Variants in TSPAN15 observed in about 807,000 individuals in gnomAD.
TSPAN15 encodes the protein tetraspanin 15.
A neutral mutation model predicts 34.5 loss-of-function variants in TSPAN15; 20 were observed. That is an observed-to-expected ratio of 0.58 (90% CI 0.41 to 0.84). TSPAN15 has a LOEUF of 0.84. Among genes scored for constraint, TSPAN15 ranks in the 40% least tolerant of loss-of-function variants. The pLI, the probability that TSPAN15 is intolerant of heterozygous loss-of-function variation, is 0.00. For missense variants in TSPAN15, 313 were observed against 386.1 expected, an observed-to-expected ratio of 0.81 and a Z score of 1.59; for synonymous variants, 155 against 153.9, an observed-to-expected ratio of 1.01 and a Z score of -0.05.
At chr10:69,549,267 A>G in the TSPAN15 span, among the ~76,000 whole-genome samples, 10 of 152,224 alleles carry the variant, frequency 6.6e-5, no homozygotes, top group African/African-American at 2.4e-4. Context: ...CTGTTATCAT[A>G]CATGTTGCCC....
At chr10:69,546,033 T>C in the TSPAN15 span, among the ~76,000 whole-genome samples, 2 of 152,114 alleles carry the variant, frequency 1.3e-5, no homozygotes, top group African/African-American at 2.4e-5. Context: ...TCCCAGCTAG[T>C]GGGTGGCCGA....
intron 4 of TSPAN15, among the ~76,000 whole-genome samples, chr10:69,497,064 A>G (rs1006300680): frequency 5.3e-5 from 8 of 152,168 alleles, no homozygotes; most frequent in Admixed American, 4.6e-4. Context: ...CTTTACAGAC[A>G]ACCATCTGAG....
In TSPAN15 at chr10:69,507,249, G is replaced by C; in HGVS notation, c.*271G>C. On this transcript the variant is annotated 3_prime_UTR_variant, in exon 8 of 8. Transcript: ENST00000373290. Reference sequence around the variant, plus strand: ...AAGGCCCTCCTTTCTCCAGGCCTGGGCTACGGGGGAGGGAGAGCCTGAGGC... The same window carrying C: ...AAGGCCCTCCTTTCTCCAGGCCTGGCCTACGGGGGAGGGAGAGCCTGAGGC... The C allele has an allele frequency of 7.3e-7, 1 of 1,373,448 alleles. No homozygotes were observed. Among genetic ancestry groups the C allele is most frequent in the Non-Finnish European group, 9.4e-7 (1 of 1,065,442 alleles). The allele number at this position is 1,373,448 out of a possible 1,614,324, so 85.1% of individuals were successfully genotyped here.
intron 1 of TSPAN15, among the ~76,000 whole-genome samples, chr10:69,482,575 C>T (rs542341071): frequency 7.2e-5 from 11 of 152,318 alleles, no homozygotes; most frequent in South Asian, 2.1e-4. Context: ...CTGTTTAATA[C>T]GCGTTGTGGC....
chr10:69,504,217 G>A (rs563577113), intron 5 of TSPAN15, among the ~76,000 whole-genome samples: 1 of 146,624 alleles, frequency 6.8e-6, no homozygotes, highest in Admixed American at 6.8e-5. Context: ...TAAAAGTCAT[G>A]GAACCTGCAT....
At chr10:69,516,485 G>A in the TSPAN15 span, among the ~76,000 whole-genome samples, 1 of 152,236 alleles carries the variant, frequency 6.6e-6, no homozygotes, top group Non-Finnish European at 1.5e-5. Context: ...CTGCAGAGGG[G>A]CCTGGACTGA....
intron 3 of TSPAN15, chr10:69,494,984 TA>T: frequency 3.4e-6 from 2 of 584,646 alleles, no homozygotes; most frequent in Non-Finnish European, 4.3e-6. Flanking sequence ...GTCCCAGCCC[TA>T]GCCGAGGGGG....
Position 69,483,869 on chromosome 10 carries a change from T to C in TSPAN15, c.275T>C (p.Leu92Pro), listed in dbSNP as rs755285135. The stretch of plus-strand genomic sequence containing the variant: ...TCCCTCCGTGACAACCTGTACCTTC[T>C]CCAAGCAGTGAGTGGACCACACCAC... ...LASLRDNLYL[L>P]QAFMYILGIC... The change falls in exon 2 of 8, where the codon CTC becomes CCC. Residue 92 changes from leucine to proline, a missense_variant. Coordinates refer to ENST00000373290, the MANE Select transcript of TSPAN15 (RefSeq NM_012339.5). 5.6e-6 allele frequency: 9 copies of C among 1,613,324 alleles called. No individual in the cohort carries two copies. Among genetic ancestry groups the C allele is most frequent in the Non-Finnish European group, 7.6e-6 (9 of 1,179,746 alleles).
At chr10:69,522,904 A>G in the TSPAN15 span, among the ~76,000 whole-genome samples, 1 of 147,954 alleles carries the variant, frequency 6.8e-6, no homozygotes, top group South Asian at 2.1e-4. Flanking sequence ...GTCCTTTGAT[A>G]CACAAAAGTT....
chr10:69,452,994 A>G (rs1343259064), intron 1 of TSPAN15, among the ~76,000 whole-genome samples: 1 of 152,186 alleles, frequency 6.6e-6, no homozygotes, highest in Non-Finnish European at 1.5e-5. Flanking sequence ...CAGCTCTGTT[A>G]CTGACTTATG....
chr10:69,498,357 G>A lies in TSPAN15; in HGVS notation c.531G>A (p.Leu177=), dbSNP rs1842131617. 3 of 1,614,022 alleles carry A rather than the reference G, an allele frequency of 1.9e-6. No individual in the cohort carries two copies. Among genetic ancestry groups the A allele is most frequent in the Non-Finnish European group, 2.5e-6 (3 of 1,180,006 alleles). Residue 177 remains leucine, a synonymous_variant, in exon 5 of 8, where the codon CTG becomes CTA. Coordinates refer to ENST00000373290, the MANE Select transcript of TSPAN15 (RefSeq NM_012339.5). ...ACGACTGCAGTGCCCCTGGACCCCT[G>A]GCCTGTGGGGTGCCCTACACCTGCT... is the stretch of plus-strand genomic sequence containing the variant. ...QYHDCSAPGP[L]ACGVPYTCCI...
intron 1 of TSPAN15, among the ~76,000 whole-genome samples, chr10:69,481,672 A>G (rs1419140044): frequency 2.6e-5 from 4 of 152,168 alleles, no homozygotes; most frequent in Admixed American, 1.3e-4. Flanking sequence ...GCATGGTGAC[A>G]CTGGGGTGGC....
At chr10:69,542,009 C>G in the TSPAN15 span, among the ~76,000 whole-genome samples, 1 of 152,212 alleles carries the variant, frequency 6.6e-6, no homozygotes, top group Non-Finnish European at 1.5e-5. Flanking sequence ...GAATTTCCCC[C>G]TAAGAAATGA....
At chr10:69,477,339 T>G (rs1222348693) in intron 1 of TSPAN15, among the ~76,000 whole-genome samples, 2 of 152,146 alleles carry the variant, frequency 1.3e-5, no homozygotes, top group Non-Finnish European at 2.9e-5. Context: ...TTCACCATAT[T>G]GGGCAGGCTG....
chr10:69,498,403 A>T lies in TSPAN15; in HGVS notation c.570+7A>T. 6.2e-7 allele frequency: 1 copy of T among 1,610,460 alleles called. No individual in the cohort carries two copies. Among genetic ancestry groups the T allele is most frequent in the Non-Finnish European group, 8.5e-7 (1 of 1,176,796 alleles). ...CTGCTGCATCAGGAACACGGTAGAC[A>T]CTGCTCCTGTGGGGACTGGGGGGCT... On this transcript the variant is annotated splice_region_variant and intron_variant, in intron 5 of 7. Coordinates refer to ENST00000373290, the MANE Select transcript of TSPAN15 (RefSeq NM_012339.5).
At chr10:69,465,434 C>T (rs1841363250) in intron 1 of TSPAN15, among the ~76,000 whole-genome samples, 1 of 152,168 alleles carries the variant, frequency 6.6e-6, no homozygotes, top group Admixed American at 6.5e-5. Context: ...TGACTTTTTT[C>T]AGCCAGGAAT....
intron 3 of TSPAN15, among the ~76,000 whole-genome samples, chr10:69,488,876 G>T (rs953829645): frequency 3.9e-5 from 6 of 152,106 alleles, no homozygotes; most frequent in African/African-American, 1.4e-4. Context: ...CAAGGCAAAG[G>T]GCAAAAGCAG....
intron 3 of TSPAN15, among the ~76,000 whole-genome samples, chr10:69,488,291 C>T (rs959567448): frequency 2.5e-4 from 38 of 152,078 alleles, no homozygotes; most frequent in African/African-American, 7.2e-4. Flanking sequence ...GGGGGAGGAG[C>T]GGCCTGGCTG....
chr10:69,544,371 C>G, the TSPAN15 span, among the ~76,000 whole-genome samples: 1 of 152,142 alleles, frequency 6.6e-6, no homozygotes, highest in Non-Finnish European at 1.5e-5. Flanking sequence ...AGCTGAAAGC[C>G]TTGGGCTCTC....
Sources: gnomAD v4.1 joint callset for allele counts (sites outside exome capture counted in the v4.1 genomes callset) on GRCh38, gnomAD v4.1.1 for gene constraint, MANE v1.5 for transcripts, NCBI Gene and HGNC (gene_info 2026-07-23, HGNC 2026-07-21) for gene names.